Variants in LARP4B observed in about 807,000 individuals in gnomAD.
The protein encoded by LARP4B is La ribonucleoprotein 4B, also known as la-related protein 4B.
Under a neutral mutation model 89.8 loss-of-function variants are expected in LARP4B, and 12 were observed. The observed-to-expected ratio is 0.13, with a 90% CI of 0.09 to 0.22. LARP4B has a LOEUF of 0.22. LARP4B is among the 10% of genes least tolerant of loss of function. LARP4B has a pLI of 1.00. For synonymous variants in LARP4B, 367 were observed against 363.3 expected, an observed-to-expected ratio of 1.01 and a Z score of -0.12; for missense variants, 757 against 947.7, an observed-to-expected ratio of 0.80 and a Z score of 2.64.
chr10:893,378 T>C (rs1363095886), intron 1 of LARP4B, among the ~76,000 whole-genome samples: 2 of 152,218 alleles, frequency 1.3e-5, no homozygotes, highest in African/African-American at 2.4e-5. Flanking sequence ...TAATGTTAGG[T>C]ACACAGATTT....
chr10:981,945 T>C, the LARP4B span, among the ~76,000 whole-genome samples: 2 of 152,162 alleles, frequency 1.3e-5, no homozygotes, highest in Non-Finnish European at 2.9e-5. Context: ...AAATTTGTTA[T>C]TATGTGTGGA....
At chr10:873,249 G>C (rs1330190048) in intron 3 of LARP4B, 1 of 985,190 alleles carries the variant, frequency 1.0e-6, no homozygotes, top group Non-Finnish European at 1.2e-6. Context: ...AACACCCAGA[G>C]ACCAAAAATA....
rs575997837 is a variant in LARP4B, at chr10:869,791, C to T, written c.142-5521G>A. On this transcript the variant is annotated intron_variant, in intron 3 of 17. Coordinates refer to ENST00000316157, the MANE Select transcript of LARP4B (RefSeq NM_015155.3). ...CCCAATTACTCGGGAGGCTGAGTCACGAGAATTACTTGAACCCGGCAATCA... is the reference window on the plus strand; with the variant it reads ...CCCAATTACTCGGGAGGCTGAGTCATGAGAATTACTTGAACCCGGCAATCA... Among the ~76,000 whole-genome samples, 11 of 151,670 alleles carry T rather than the reference C, an allele frequency of 7.3e-5. No homozygotes were observed. In the East Asian group the frequency reaches 1.4e-3, roughly 19 times the overall value.
chr10:884,404 A>T (rs948710538), intron 3 of LARP4B, 43 bp downstream of exon 3: 2 of 1,258,784 alleles, frequency 1.6e-6, no homozygotes, highest in Non-Finnish European at 2.3e-6. Flanking sequence ...CTGAGCCTTG[A>T]CTGTGATTAA....
intron 1 of LARP4B, among the ~76,000 whole-genome samples, chr10:917,949 T>C (rs538903713): frequency 3.3e-5 from 5 of 152,236 alleles, no homozygotes; most frequent in Non-Finnish European, 7.3e-5. Flanking sequence ...TTATGCTTCA[T>C]AAGAAAACTA....
the LARP4B span, among the ~76,000 whole-genome samples, chr10:957,245 C>T: frequency 6.0e-3 from 918 of 152,304 alleles, 12 homozygotes; most frequent in African/African-American, 0.022. Flanking sequence ...TCACTGCAAC[C>T]TGCACCTCTG....
At chr10:957,086 G>A in the LARP4B span, among the ~76,000 whole-genome samples, 2 of 152,314 alleles carry the variant, frequency 1.3e-5, no homozygotes, top group African/African-American at 4.8e-5. Context: ...CTGTTCAGAA[G>A]CACTTTTGTG....
chr10:887,480 G>A (rs1178804502), intron 1 of LARP4B, among the ~76,000 whole-genome samples: 3 of 151,790 alleles, frequency 2.0e-5, no homozygotes, highest in Non-Finnish European at 4.4e-5. Flanking sequence ...GGAGGCCGAG[G>A]CGGATGGATC....
chr10:882,813 G>A (rs1028923811), intron 3 of LARP4B, among the ~76,000 whole-genome samples: 5 of 152,070 alleles, frequency 3.3e-5, no homozygotes, highest in African/African-American at 1.2e-4. Context: ...TCTATTGCAC[G>A]TCTCCTCCTA....
At chr10:827,225 A>G (rs573712026) in intron 11 of LARP4B, among the ~76,000 whole-genome samples, 136 of 152,176 alleles carry the variant, frequency 8.9e-4, no homozygotes, top group East Asian at 4.5e-3. Context: ...GCAGTGAGCC[A>G]AGATCCGGCC....
the LARP4B span, among the ~76,000 whole-genome samples, chr10:954,131 C>T: frequency 6.6e-5 from 10 of 152,320 alleles, no homozygotes; most frequent in East Asian, 1.9e-3. This position sits in a 1 kb window ranked among gnomAD's most constrained non-coding sequence, Gnocchi z 5.0. Flanking sequence ...GCTGGATCTC[C>T]GTGGCCTTGG....
chr10:903,234 T>G (rs1279382316), intron 1 of LARP4B: 1 of 152,194 alleles, frequency 6.6e-6, no homozygotes, highest in Admixed American at 6.6e-5. Flanking sequence ...TCAGGCTCAC[T>G]TATGCCATCT....
intron 3 of LARP4B, among the ~76,000 whole-genome samples, chr10:883,542 A>G (rs1410444142): frequency 6.6e-6 from 1 of 151,956 alleles, no homozygotes; most frequent in African/African-American, 2.4e-5. Context: ...TAAATTAAAA[A>G]TCAATGTAAA....
intron 1 of LARP4B, among the ~76,000 whole-genome samples, chr10:927,772 G>A (rs937293987): frequency 1.3e-5 from 2 of 152,132 alleles, no homozygotes; most frequent in African/African-American, 4.8e-5. Flanking sequence ...CTCCCCATTG[G>A]AAAAAGGTTG....
chr10:931,930 C>T (rs1394136850), upstream of LARP4B, among the ~76,000 whole-genome samples: 1 of 149,814 alleles, frequency 6.7e-6, no homozygotes, highest in South Asian at 2.1e-4. Flanking sequence ...GCGATTGGCG[C>T]GTGCGCGCAC....
the LARP4B span, among the ~76,000 whole-genome samples, chr10:975,029 C>A: frequency 6.6e-6 from 1 of 152,220 alleles, no homozygotes. Flanking sequence ...GCAGGCCCTG[C>A]CTGGCTCCTT....
chr10:934,098 C>A (rs1175378087), upstream of LARP4B, among the ~76,000 whole-genome samples: 1 of 151,980 alleles, frequency 6.6e-6, no homozygotes, highest in Non-Finnish European at 1.5e-5. Context: ...TCCCTAAGTG[C>A]TGGGATTACA....
intron 1 of LARP4B, among the ~76,000 whole-genome samples, chr10:914,833 G>GA (rs1308777058): frequency 0.018 from 1,084 of 59,174 alleles, 12 homozygotes; most frequent in East Asian, 0.046. Context: ...CCCCAGCAAA[G>GA]AAAAAAAAAA....
chr10:924,907 C>G (rs1837094669), intron 1 of LARP4B, among the ~76,000 whole-genome samples: 1 of 152,208 alleles, frequency 6.6e-6, no homozygotes, highest in African/African-American at 2.4e-5. Flanking sequence ...TGCTACCTAC[C>G]AGATATTGTT....
Sources: gnomAD v4.1 joint callset for allele counts (sites outside exome capture counted in the v4.1 genomes callset) on GRCh38, gnomAD v4.1.1 for gene constraint, Gnocchi (gnomAD v3.1) non-coding constraint, MANE v1.5 for transcripts, NCBI Gene and HGNC (gene_info 2026-07-23, HGNC 2026-07-21) for gene names.